ERC1: variants seen among roughly 807,000 people sequenced by gnomAD.
The protein encoded by ERC1 is ELKS/RAB6-interacting/CAST family member 1, also known as RAB6 interacting protein 2.
Under a neutral mutation model 132.0 loss-of-function variants are expected in ERC1, and 56 were observed. That is an observed-to-expected ratio of 0.42 (90% confidence interval 0.34 to 0.53). ERC1 has a LOEUF of 0.53. Among genes scored for constraint, ERC1 ranks in the 20% least tolerant of loss-of-function variants. The probability of loss-of-function intolerance (pLI) is 0.03; values close to 1 mark genes in which losing one functional copy is unlikely to be tolerated. For missense variants in ERC1, 1,202 were observed against 1,349.9 expected (o/e 0.89, Z 1.72); for synonymous variants, 478 against 476.1 (o/e 1.00, Z -0.05).
At chr12:1,484,102 A>T (rs77294710) in intron 18 of ERC1, among the ~76,000 whole-genome samples, 7 of 144,412 alleles carry the variant, frequency 4.8e-5, no homozygotes, top group African/African-American at 1.6e-4. Context: ...TCAGGAGATC[A>T]AGACCTTCCT....
intron 1 of ERC1, among the ~76,000 whole-genome samples, chr12:995,576 G>A (rs1443345091): frequency 6.6e-6 from 1 of 152,176 alleles, no homozygotes; most frequent in Non-Finnish European, 1.5e-5. Context: ...AGTGAGAAAT[G>A]TGGCTGTTTT....
Position 1,195,885 on chromosome 12 carries a change from C to A in ERC1, c.2351+5833C>A, listed in dbSNP as rs962678033. Among the ~76,000 whole-genome samples, 2 of 145,634 alleles carry A rather than the reference C, an allele frequency of 1.4e-5. 1 individual carries two copies. Among genetic ancestry groups the A allele is most frequent in the Non-Finnish European group, 3.0e-5 (2 of 66,346 alleles). On this transcript the variant is annotated intron_variant, in intron 12 of 18. Coordinates refer to ENST00000360905, the MANE Select transcript of ERC1 (RefSeq NM_178040.4). ...TATGTACTTATTTCCGCCCCCCCCC[C>A]CCTTTTTTTGTAATGGAAGCAATCA...
At chr12:1,473,036 G>A (rs999836185) in intron 18 of ERC1, among the ~76,000 whole-genome samples, 1 of 152,024 alleles carries the variant, frequency 6.6e-6, no homozygotes, top group African/African-American at 2.4e-5. Flanking sequence ...TTTTTTGTTT[G>A]TTTTTCTGAG....
At chr12:1,078,562 G>A (rs1348832392) in intron 2 of ERC1, among the ~76,000 whole-genome samples, 4 of 151,574 alleles carry the variant, frequency 2.6e-5, no homozygotes, top group Admixed American at 6.6e-5. Flanking sequence ...AAATGATAAA[G>A]GAAAATGTCA....
rs1402193988 is a variant in ERC1 at position 1,490,203 on chromosome 12, G to A, written c.3324G>A (p.Val1108=). Residue 1108 remains valine, a synonymous_variant, in exon 19 of 19, where the codon GTG becomes GTA. Transcript: ENST00000360905. ...ADHCPDILEQ[V]VNALEESS is the part of the protein sequence containing the mutation. ...ATTGTCCCGACATCCTAGAGCAAGTGGTCAACGCCCTGGAAGAGTCCTCTT... is the reference window on the plus strand; with the variant it reads ...ATTGTCCCGACATCCTAGAGCAAGTAGTCAACGCCCTGGAAGAGTCCTCTT... 2.5e-6 allele frequency: 4 copies of A among 1,614,020 alleles called. No homozygotes were observed. Among genetic ancestry groups the A allele is most frequent in the Non-Finnish European group, 3.4e-6 (4 of 1,180,032 alleles).
chr12:1,043,188 C>G (rs753608679), intron 2 of ERC1, among the ~76,000 whole-genome samples: 3 of 151,784 alleles, frequency 2.0e-5, no homozygotes, highest in African/African-American at 4.8e-5. Flanking sequence ...GGACTACAGA[C>G]GCCTGCTACC....
chr12:1,300,096 TG>T (rs1221876597), intron 15 of ERC1, among the ~76,000 whole-genome samples: 1 of 152,050 alleles, frequency 6.6e-6, no homozygotes, highest in African/African-American at 2.4e-5. Context: ...CAAAACAGCA[TG>T]GTAGTGGTAG....
At chr12:1,441,122 G>C (rs373803996) in intron 17 of ERC1, among the ~76,000 whole-genome samples, 9 of 151,640 alleles carry the variant, frequency 5.9e-5, no homozygotes, top group Admixed American at 3.3e-4. Flanking sequence ...GCAATGGTGC[G>C]ATCTCGGCTC....
At chr12:1,122,613 ATCTC>A (rs1339747805) in intron 7 of ERC1, among the ~76,000 whole-genome samples, 452 of 7,904 alleles carry the variant, frequency 0.057, 29 homozygotes, top group Middle Eastern at 0.21. Flanking sequence ...CTCTATCTCT[ATCTC>A]TATCTGTGTC....
At position 1,454,378 on chromosome 12, in the gene ERC1, T is replaced by A. The variant is rs1387959589; in HGVS notation, c.3213+9628T>A. ...AGTCCCATAAGCCATTCTATCAAAT[T>A]AACCTAATCCGAGGAAGAGATCCTG... On this transcript the variant is annotated intron_variant, in intron 18 of 18. Coordinates refer to ENST00000360905, the MANE Select transcript of ERC1 (RefSeq NM_178040.4). 4.6e-5 allele frequency among the ~76,000 whole-genome samples: 7 copies of A among 152,338 alleles called. No individual in the cohort carries two copies. The East Asian group carries it at 1.3e-3, about 29-fold the overall frequency.
chr12:1,213,762 C>T (rs920795382), intron 12 of ERC1, among the ~76,000 whole-genome samples: 2 of 146,246 alleles, frequency 1.4e-5, no homozygotes, highest in Non-Finnish European at 3.0e-5. Context: ...AAAATTGCCA[C>T]GCATGGTGGT....
intron 8 of ERC1, among the ~76,000 whole-genome samples, chr12:1,148,808 G>A (rs1268990634): frequency 6.6e-6 from 1 of 152,104 alleles, no homozygotes; most frequent in Non-Finnish European, 1.5e-5. Context: ...CGCCATGTTG[G>A]TCAGGCTGGT....
intron 2 of ERC1, among the ~76,000 whole-genome samples, chr12:1,047,952 G>T (rs113259326): frequency 0.028 from 4,300 of 152,282 alleles, 85 homozygotes; most frequent in South Asian, 0.092. Context: ...AATTGAGACA[G>T]TGGTTAAGGT....
At chr12:1,142,730 G>C (rs73041040) in intron 8 of ERC1, among the ~76,000 whole-genome samples, 15,701 of 152,138 alleles carry the variant, frequency 0.1, 954 homozygotes, top group South Asian at 0.18. Context: ...AAGTAAAGTC[G>C]AACAGACTTT....
chr12:1,093,959 A>ATATATATATATATATATG (rs1555236211), intron 3 of ERC1, among the ~76,000 whole-genome samples: 1 of 109,664 alleles, frequency 9.1e-6, no homozygotes, highest in Non-Finnish European at 1.9e-5. Context: ...ATATTTTTCT[A>ATATATATATATATATATG]TATATATATA....
chr12:1,453,711 C>G (rs2093472415), intron 18 of ERC1, among the ~76,000 whole-genome samples: 2 of 151,966 alleles, frequency 1.3e-5, no homozygotes, highest in South Asian at 2.1e-4. Context: ...GTGATTGTAT[C>G]AAATTAATTT....
chr12:1,130,154 T>C (rs1948615980), intron 7 of ERC1, among the ~76,000 whole-genome samples: 1 of 152,132 alleles, frequency 6.6e-6, no homozygotes, highest in African/African-American at 2.4e-5. Flanking sequence ...AGTGGCAAAA[T>C]GAAAATGAAG....
chr12:1,244,719 G>T (rs1428733593), intron 13 of ERC1: 11 of 354,722 alleles, frequency 3.1e-5, no homozygotes, highest in Non-Finnish European at 6.2e-5. Context: ...TAGAGACGGG[G>T]TTTCACCATG....
In ERC1 at chr12:1,289,995, G is replaced by A. The variant is rs2079323756; in HGVS notation, c.2763G>A (p.Glu921=). 1.2e-6 allele frequency: 2 copies of A among 1,613,960 alleles called. No homozygotes were observed. Among genetic ancestry groups the A allele is most frequent in the Non-Finnish European group, 1.7e-6 (2 of 1,179,848 alleles). ...GGGCAGAGAGAAGGAAACACTTAGA[G>A]GAAGTTCTGGAGATGAAGTAAGTGT... is the stretch of plus-strand genomic sequence containing the variant. The part of the protein sequence containing the change: ...NLRAERRKHL[E]EVLEMKQEAL... Residue 921 remains glutamate (E), a synonymous_variant, in exon 15 of 19, where the codon GAG becomes GAA. Coordinates refer to ENST00000360905, the MANE Select transcript of ERC1 (RefSeq NM_178040.4).
Sources: allele counts gnomAD v4.1 joint callset (sites outside exome capture counted in the v4.1 genomes callset), GRCh38; gene constraint gnomAD v4.1.1; transcripts MANE v1.5; gene names NCBI Gene and HGNC (gene_info 2026-07-23, HGNC 2026-07-21).